PHLPP1: variants seen among roughly 807,000 people sequenced by gnomAD.
PHLPP1 encodes the protein PH domain and leucine rich repeat protein phosphatase 1.
Under a neutral mutation model 117.2 loss-of-function variants are expected in PHLPP1, and 42 were observed. That is an observed-to-expected ratio of 0.36 (90% CI 0.28 to 0.46). The LOEUF (loss-of-function observed/expected upper bound fraction) is 0.46. Ranked by LOEUF, PHLPP1 falls within the 20% of genes least tolerant of loss-of-function variation. The pLI, the probability that PHLPP1 is intolerant of heterozygous loss-of-function variation, is 1.00. For missense variants in PHLPP1, 2,084 were observed against 2,241.9 expected, an observed-to-expected ratio of 0.93 and a Z score of 1.42; for synonymous variants, 1,042 against 970.7, an observed-to-expected ratio of 1.07 and a Z score of -1.37.
intron 1 of PHLPP1, among the ~76,000 whole-genome samples, chr18:62,739,162 A>G (rs1374232609): frequency 2.0e-5 from 3 of 152,202 alleles, no homozygotes; most frequent in Admixed American, 1.3e-4. Context: ...TGCTAGACAG[A>G]TAGTAGTTTT....
chr18:62,871,940 T>C (rs1045844835), intron 4 of PHLPP1, among the ~76,000 whole-genome samples: 2 of 152,168 alleles, frequency 1.3e-5, no homozygotes, highest in Admixed American at 6.5e-5. Flanking sequence ...CCACTGCACC[T>C]GGCCTAGCTC....
intron 1 of PHLPP1, among the ~76,000 whole-genome samples, chr18:62,764,464 C>T (rs1473863169): frequency 6.6e-6 from 1 of 150,982 alleles, no homozygotes; most frequent in African/African-American, 2.4e-5. Flanking sequence ...ATGCTAGTCA[C>T]ACTTAACGTT....
chr18:62,890,334 T>C lies in PHLPP1; in HGVS notation c.2067-4677T>C, dbSNP rs184627594. 7.0e-4 allele frequency among the ~76,000 whole-genome samples: 106 copies of C among 152,234 alleles called. 1 individual carries two copies. Among genetic ancestry groups the C allele is most frequent in the African/African-American group, 2.4e-3 (99 of 41,542 alleles). On this transcript the variant is annotated intron_variant, in intron 4 of 16. Transcript: ENST00000262719. ...CAGGCTGGAGTGCAGTGGCATGATC[T>C]CGGCTCACTGTAACCTCTGTCTCCC...
At chr18:62,834,032 C>T (rs371069970) in intron 2 of PHLPP1, among the ~76,000 whole-genome samples, 19 of 152,248 alleles carry the variant, frequency 1.2e-4, no homozygotes, top group South Asian at 1.0e-3. Context: ...TAACACCCCT[C>T]TTTTCCCCCC....
At chr18:62,759,225 T>C (rs1912132244) in intron 1 of PHLPP1, among the ~76,000 whole-genome samples, 2 of 152,188 alleles carry the variant, frequency 1.3e-5, no homozygotes, top group South Asian at 2.1e-4. Context: ...AGAAGACTGC[T>C]GCAGAAAAAA....
chr18:62,790,217 C>T (rs1913416930), intron 1 of PHLPP1, among the ~76,000 whole-genome samples: 1 of 152,100 alleles, frequency 6.6e-6, no homozygotes, highest in Non-Finnish European at 1.5e-5. Flanking sequence ...CAACCTTGGG[C>T]CAGGAGGCTA....
intron 1 of PHLPP1, among the ~76,000 whole-genome samples, chr18:62,818,801 A>T (rs180810869): frequency 5.1e-4 from 78 of 152,286 alleles, no homozygotes; most frequent in Non-Finnish European, 3.1e-4. Flanking sequence ...GGCAAGGGGG[A>T]GGTTATAACC....
Position 62,958,700 on chromosome 18 carries a change from G to T in PHLPP1, c.3396G>T (p.Glu1132Asp). The change falls in exon 13 of 17, where the codon GAG (glutamate) becomes GAT (aspartate). Residue 1132 changes from glutamate to aspartate, a missense_variant. Glu to Asp is a conservative substitution (Grantham distance 45, BLOSUM62 2). Around this residue, in one of 2 missense-constraint regions of PHLPP1, gnomAD observed 1,365 missense variants for 1,605.9 expected, o/e 0.85. Coordinates refer to ENST00000262719, the MANE Select transcript of PHLPP1 (RefSeq NM_194449.4). ...AAAACCTGCCTCCCAAACTGCAGGA[G>T]CTAGACCTGACTGGAAACCCGCGCC... ...LPENLPPKLQ[E>D]LDLTGNPRLV... 1.9e-6 allele frequency: 3 copies of T among 1,613,968 alleles called. No homozygotes were observed. Among genetic ancestry groups the T allele is most frequent in the Non-Finnish European group, 2.5e-6 (3 of 1,179,854 alleles).
intron 10 of PHLPP1, among the ~76,000 whole-genome samples, chr18:62,921,334 G>C (rs972957661): frequency 1.3e-5 from 2 of 152,186 alleles, no homozygotes; most frequent in Non-Finnish European, 2.9e-5. Flanking sequence ...AATGATGACA[G>C]ATCTTTTTAC....
intron 1 of PHLPP1, among the ~76,000 whole-genome samples, chr18:62,814,475 T>A (rs1031578877): frequency 6.6e-6 from 1 of 152,208 alleles, no homozygotes; most frequent in African/African-American, 2.4e-5. Context: ...GCAAGTAATT[T>A]AATTCATTCT....
chr18:62,761,930 G>A (rs1912256551), intron 1 of PHLPP1, among the ~76,000 whole-genome samples: 1 of 152,044 alleles, frequency 6.6e-6, no homozygotes, highest in African/African-American at 2.4e-5. Flanking sequence ...TTTTTAAACA[G>A]ATTTAGAAAA....
At chr18:62,842,662 C>T (rs1915084069) in intron 3 of PHLPP1, among the ~76,000 whole-genome samples, 1 of 152,170 alleles carries the variant, frequency 6.6e-6, no homozygotes, top group South Asian at 2.1e-4. Context: ...CCGTGCCTGG[C>T]CTAGTAAATG....
intron 3 of PHLPP1, among the ~76,000 whole-genome samples, chr18:62,849,822 A>ATATATAT (rs1568137160): frequency 2.2e-5 from 1 of 45,472 alleles, no homozygotes; most frequent in South Asian, 6.7e-4. Flanking sequence ...AAAAAAAAAA[A>ATATATAT]AAAAAAAAAA....
chr18:62,806,139 G>A (rs1261952455), intron 1 of PHLPP1, among the ~76,000 whole-genome samples: 2 of 152,068 alleles, frequency 1.3e-5, no homozygotes, highest in Non-Finnish European at 2.9e-5. Context: ...CTTACCCTGA[G>A]AAGTGCTATC....
At chr18:62,783,232 T>C (rs1361970572) in intron 1 of PHLPP1, among the ~76,000 whole-genome samples, 1 of 147,670 alleles carries the variant, frequency 6.8e-6, no homozygotes, top group Non-Finnish European at 1.5e-5. Context: ...TTTTTTTCTT[T>C]TTTTTTTTTT....
chr18:62,920,589 G>T (rs890886307), intron 10 of PHLPP1, among the ~76,000 whole-genome samples: 1 of 152,108 alleles, frequency 6.6e-6, no homozygotes, highest in Non-Finnish European at 1.5e-5. Flanking sequence ...AGACAGAGTC[G>T]CACTCTGTCG....
intron 12 of PHLPP1, among the ~76,000 whole-genome samples, chr18:62,950,376 A>G (rs998008549): frequency 2.0e-5 from 3 of 152,208 alleles, no homozygotes; most frequent in Admixed American, 6.5e-5. Context: ...TAAACTGAAT[A>G]TAGATCAGCT....
chr18:62,973,852 G>C (rs1387965124), intron 15 of PHLPP1, among the ~76,000 whole-genome samples: 1 of 152,192 alleles, frequency 6.6e-6, no homozygotes, highest in Non-Finnish European at 1.5e-5. Context: ...TGAAAGTGAT[G>C]TACAGTGAGG....
In PHLPP1 at chr18:62,866,228, G is replaced by A. The variant is rs150646084; in HGVS notation, c.2066+5627G>A. Among the ~76,000 whole-genome samples, 265 of 150,832 alleles carry A rather than the reference G, an allele frequency of 1.8e-3. 9 individuals are homozygous for A. The South Asian group carries it at 0.041, about 23-fold the overall frequency. ...AAAAAGAAAAATGAGAGGCCAAAAC[G>A]TTTTTGTTTTTGTGTTTTTTGTTTT... On this transcript the variant is annotated intron_variant, in intron 4 of 16. Coordinates refer to ENST00000262719, the MANE Select transcript of PHLPP1 (RefSeq NM_194449.4).
Sources: gnomAD v4.1 joint callset for allele counts (sites outside exome capture counted in the v4.1 genomes callset) on GRCh38, gnomAD v4.1.1 for gene constraint, gnomAD v4.1.1 regional missense constraint, MANE v1.5 for transcripts, NCBI Gene and HGNC (gene_info 2026-07-23, HGNC 2026-07-21) for gene names.